The following SEMA3C variants were observed in gnomAD, a reference collection of about 807,000 sequenced individuals.
The protein encoded by SEMA3C is semaphorin 3C.
A neutral mutation model predicts 89.4 loss-of-function variants in SEMA3C; 47 were observed. The ratio of observed to expected loss-of-function variants is 0.53; its 90% CI spans 0.42 to 0.67. SEMA3C has a LOEUF of 0.67. SEMA3C is among the 30% of genes least tolerant of loss of function. SEMA3C has a pLI of 0.00. For missense variants in SEMA3C, 839 were observed against 929.1 expected (o/e 0.90, Z 1.26); for synonymous variants, 310 against 320.2 (o/e 0.97, Z 0.34).
Position 80,743,761 on chromosome 7 carries a change from G to A in SEMA3C, c.*1133C>T, listed in dbSNP as rs1279920685. The A allele has an allele frequency of 6.6e-6, 1 of 151,726 alleles. No individual in the cohort carries two copies. The highest frequency in any genetic ancestry group is 1.5e-5 in the Non-Finnish European group (1 of 67,848). 9.4% of individuals were successfully genotyped at this position (151,726 alleles called of 1,614,324 possible). A position where few individuals can be genotyped will look rare whatever the true frequency, so the allele number is the denominator to read the frequency against. On this transcript the variant is annotated 3_prime_UTR_variant, in exon 18 of 18. Transcript: ENST00000265361. ...ACGTATGTACCATTACCTTTTGAAA[G>A]ACAGAATGTCTCCTCATATTGTTTT...
chr7:80,873,468 C>T (rs1412217897), intron 2 of SEMA3C, among the ~76,000 whole-genome samples: 2 of 152,158 alleles, frequency 1.3e-5, no homozygotes, highest in Non-Finnish European at 2.9e-5. Flanking sequence ...GCCTAAAAAT[C>T]TGGATTTCTG....
chr7:80,902,953 C>T (rs968644072), intron 2 of SEMA3C, among the ~76,000 whole-genome samples: 3 of 152,142 alleles, frequency 2.0e-5, no homozygotes, highest in African/African-American at 7.2e-5. Context: ...ACGGTAAGAG[C>T]ATAAGCCCGC....
intron 2 of SEMA3C, among the ~76,000 whole-genome samples, chr7:80,874,641 TGTTTTTAGTAGAGACAGG>T (rs1791155945): frequency 6.6e-6 from 1 of 151,880 alleles, no homozygotes; most frequent in African/African-American, 2.4e-5. Context: ...TAATTTTTTG[TGTTTTTAGTAGAGACAGG>T]GTTTCACCAG....
At chr7:80,864,690 T>C (rs1790884391) in intron 2 of SEMA3C, among the ~76,000 whole-genome samples, 1 of 152,144 alleles carries the variant, frequency 6.6e-6, no homozygotes, top group Non-Finnish European at 1.5e-5. Context: ...TCCCATAGAT[T>C]CACATAGATG....
intron 2 of SEMA3C, among the ~76,000 whole-genome samples, chr7:80,865,041 A>G (rs1163006635): frequency 6.6e-6 from 1 of 152,108 alleles, no homozygotes; most frequent in African/African-American, 2.4e-5. Flanking sequence ...TGATTTCTTA[A>G]ATGTTTTTAC....
chr7:80,775,732 A>G (rs184651966), intron 12 of SEMA3C, among the ~76,000 whole-genome samples: 3 of 152,212 alleles, frequency 2.0e-5, no homozygotes, highest in Admixed American at 6.5e-5. Flanking sequence ...CAGAAATAGT[A>G]CTGTGCATTA....
intron 15 of SEMA3C, among the ~76,000 whole-genome samples, chr7:80,755,683 A>G (rs1019518061): frequency 6.6e-6 from 1 of 152,088 alleles, no homozygotes; most frequent in Admixed American, 6.6e-5. Flanking sequence ...ACATCTTGCT[A>G]AGTAAATAGT....
At chr7:80,791,533 C>T (rs1788940585) in intron 11 of SEMA3C, among the ~76,000 whole-genome samples, 1 of 152,074 alleles carries the variant, frequency 6.6e-6, no homozygotes, top group Admixed American at 6.6e-5. Flanking sequence ...TAGCAATAGG[C>T]ACAGCATCAG....
rs369371356 is a variant in SEMA3C at position 80,762,244 on chromosome 7, G to A, written c.1444-587C>T. On this transcript the variant is annotated intron_variant, in intron 13 of 17. Transcript: ENST00000265361. ...GGATCCACGGACTCAGGTGGAGAAA[G>A]ATGTGGAATGGTACACCATCTAATT... Among the ~76,000 whole-genome samples the A allele has an allele frequency of 4.6e-3, 696 of 152,198 alleles. 10 individuals carry two copies. The South Asian group carries it at 0.046, about 10-fold the overall frequency.
At chr7:80,803,172 C>T (rs1385656635) in intron 8 of SEMA3C, among the ~76,000 whole-genome samples, 1 of 152,034 alleles carries the variant, frequency 6.6e-6, no homozygotes, top group Non-Finnish European at 1.5e-5. Flanking sequence ...AGATTGTGGT[C>T]AGGAGAGTGA....
At chr7:80,832,233 G>T (rs900175022) in intron 2 of SEMA3C, among the ~76,000 whole-genome samples, 1 of 152,102 alleles carries the variant, frequency 6.6e-6, no homozygotes, top group East Asian at 1.9e-4. Context: ...TACTCAACTG[G>T]TGTCACAGTT....
At position 80,811,472 on chromosome 7, in the gene SEMA3C, A is replaced by T. The variant is rs75931170; in HGVS notation, c.448-771T>A. On this transcript the variant is annotated intron_variant, in intron 5 of 17. Coordinates refer to ENST00000265361, the MANE Select transcript of SEMA3C (RefSeq NM_006379.5). The stretch of plus-strand genomic sequence containing the variant: ...AGATTCAATGGTTTTAGCCTCACCA[A>T]GAAGAAATATCTTGTCAGTATAAAT... Among the ~76,000 whole-genome samples the T allele has an allele frequency of 5.1e-3, 779 of 152,258 alleles. 42 individuals are homozygous for T. In the East Asian group the frequency reaches 0.11, roughly 22 times the overall value.
chr7:80,805,119 T>C (rs967515173), intron 7 of SEMA3C, among the ~76,000 whole-genome samples: 1 of 152,136 alleles, frequency 6.6e-6, no homozygotes, highest in African/African-American at 2.4e-5. Flanking sequence ...ATCATTCCTA[T>C]GATTTCTACT....
At chr7:80,747,106 T>C (rs1047687876) in intron 17 of SEMA3C, among the ~76,000 whole-genome samples, 1 of 152,136 alleles carries the variant, frequency 6.6e-6, no homozygotes, top group Non-Finnish European at 1.5e-5. Context: ...TGTGCTCTGC[T>C]TAAATTCTGA....
chr7:80,873,408 CAAT>C (rs901389858), intron 2 of SEMA3C, among the ~76,000 whole-genome samples: 6 of 152,136 alleles, frequency 3.9e-5, no homozygotes, highest in Non-Finnish European at 5.9e-5. Flanking sequence ...ATGATGATGA[CAAT>C]GATGATGACG....
At chr7:80,879,340 G>A (rs548959175) in intron 2 of SEMA3C, among the ~76,000 whole-genome samples, 1 of 152,278 alleles carries the variant, frequency 6.6e-6, no homozygotes, top group East Asian at 1.9e-4. Flanking sequence ...TTCTTTTAGA[G>A]ACAAAGGATG....
chr7:80,888,456 C>T (rs1273712311), intron 2 of SEMA3C, among the ~76,000 whole-genome samples: 1 of 151,938 alleles, frequency 6.6e-6, no homozygotes, highest in South Asian at 2.1e-4. Flanking sequence ...GGGAGTGAGA[C>T]CCTGTCTAAA....
rs569441199 is a variant in SEMA3C, at chr7:80,774,279, T to C, written c.1355-9036A>G. Among the ~76,000 whole-genome samples the C allele has an allele frequency of 3.9e-5, 6 of 152,288 alleles. No homozygotes were observed. In the East Asian group the frequency reaches 5.8e-4, roughly 15 times the overall value. ...GAACTCAAGCCCAGGGCATTATCCA[T>C]AATTTCCAGGATTCAACAACATAAT... On this transcript the variant is annotated intron_variant, in intron 12 of 17. Transcript: ENST00000265361.
chr7:80,834,234 C>A (rs1295943924), intron 2 of SEMA3C, among the ~76,000 whole-genome samples: 1 of 152,106 alleles, frequency 6.6e-6, no homozygotes, highest in East Asian at 1.9e-4. Context: ...TTTCTACAAT[C>A]TACATTATTG....
Sources: gnomAD v4.1 joint callset for allele counts (sites outside exome capture counted in the v4.1 genomes callset) on GRCh38, gnomAD v4.1.1 for gene constraint, MANE v1.5 for transcripts, NCBI Gene and HGNC (gene_info 2026-07-23, HGNC 2026-07-21) for gene names.